Variants in CLU observed in about 807,000 individuals in gnomAD.
The protein encoded by CLU is aging-associated protein 4.
In CLU, 25 loss-of-function variants were observed where a neutral mutation model predicts 46.4. The observed-to-expected ratio is 0.54, with a 90% CI of 0.39 to 0.75. The LOEUF is 0.75. Among genes scored for constraint, CLU ranks in the 30% least tolerant of loss-of-function variants. The pLI is 0.00. For synonymous variants in CLU, 235 were observed against 235.1 expected (o/e 1.00, Z 0.00); for missense variants, 504 against 592.1 (o/e 0.85, Z 1.54).
In CLU at chr8:27,598,501, G is replaced by C; in HGVS notation, c.1299C>G (p.Thr433=). Residue 433 remains threonine, a synonymous_variant, in exon 8 of 9, where the codon ACC becomes ACG. Transcript: ENST00000316403. ...ATTCCTGCAGCGCTTTCTCCGCCAC[G>C]GTCTCCATAAATTTAGGGTTCTTCC... The part of the protein sequence containing the change: ...VSRKNPKFME[T]VAEKALQEYR... 1.2e-6 allele frequency: 2 copies of C among 1,614,052 alleles called. No individual in the cohort carries two copies. The highest frequency in any genetic ancestry group is 1.7e-6 in the Non-Finnish European group (2 of 1,180,010).
In CLU at chr8:27,610,533, C is replaced by T; in HGVS notation, c.39G>A (p.Leu13=). The T allele has an allele frequency of 6.2e-7, 1 of 1,614,240 alleles. No homozygotes were observed. The highest frequency in any genetic ancestry group is 1.1e-5 in the South Asian group (1 of 91,084). ...CCAGGACCTGCCCACTCTCCCAGGT[C>T]AGCAGCAGCCCCACAAACAGCAGCA... is the stretch of plus-strand genomic sequence containing the variant. ...KTLLLFVGLL[L]TWESGQVLGD... is the part of the protein sequence containing the mutation. Residue 13 remains leucine, a synonymous_variant, in exon 2 of 9, where the codon CTG becomes CTA. Transcript: ENST00000316403.
chr8:27,605,719 A>G (rs915645102), intron 4 of CLU, among the ~76,000 whole-genome samples: 5 of 152,234 alleles, frequency 3.3e-5, no homozygotes, highest in Non-Finnish European at 7.3e-5. Context: ...AGCAGAGGAC[A>G]GGAGCAACAC....
chr8:27,602,943 C>T (rs778538030), intron 6 of CLU, among the ~76,000 whole-genome samples: 3 of 151,704 alleles, frequency 2.0e-5, no homozygotes, highest in African/African-American at 7.3e-5. Flanking sequence ...TGCACACCTG[C>T]ACTCCCAGCT....
intron 2 of CLU, among the ~76,000 whole-genome samples, 194 bp downstream of exon 2, chr8:27,610,281 C>T (rs113362076): frequency 6.6e-6 from 1 of 152,286 alleles, no homozygotes; most frequent in African/African-American, 2.4e-5. Context: ...GTCTGATGCA[C>T]GCAGAGCCTG....
intron 3 of CLU, among the ~76,000 whole-genome samples, chr8:27,607,747 C>CAAA (rs35500730): frequency 4.8e-5 from 7 of 144,664 alleles, no homozygotes; most frequent in African/African-American, 1.5e-4. Flanking sequence ...TGTTAGTCTT[C>CAAA]AAAAAAAAAA....
intron 4 of CLU, 87 bp from the exon 5 acceptor site, chr8:27,605,422 G>C: frequency 7.0e-7 from 1 of 1,431,366 alleles, no homozygotes; most frequent in Non-Finnish European, 9.7e-7. Context: ...GCCAGGCCAG[G>C]CCCTGCCCAT....
chr8:27,598,398 T>C, intron 8 of CLU, 62 bp downstream of exon 8: 1 of 1,610,836 alleles, frequency 6.2e-7, no homozygotes, highest in Middle Eastern at 1.7e-4. Flanking sequence ...TTGTTTGTTT[T>C]TTTGTGGCTC....
intron 4 of CLU, among the ~76,000 whole-genome samples, chr8:27,606,039 C>CA (rs200681033): frequency 4.2e-3 from 562 of 133,458 alleles, no homozygotes; most frequent in African/African-American, 0.012. Context: ...GACCCTGTCT[C>CA]AAAAAAAAAA....
At chr8:27,611,957 C>T (rs2128910643) in intron 1 of CLU, 1 of 360,206 alleles carries the variant, frequency 2.8e-6, no homozygotes, top group East Asian at 7.3e-5. Flanking sequence ...CTGCCAGGGG[C>T]CCCTGAAAGC....
Position 27,602,207 on chromosome 8 carries a change from T to C in CLU, c.934+2084A>G, listed in dbSNP as rs549493501. On this transcript the variant is annotated intron_variant, in intron 6 of 8. Transcript: ENST00000316403. Reference sequence around the variant, plus strand: ...GAGATTTAGCAAGTTCTGAAGCTGGTTGTCACAACAAAGGGAAGGGAGCTG... The same window carrying C: ...GAGATTTAGCAAGTTCTGAAGCTGGCTGTCACAACAAAGGGAAGGGAGCTG... Among the ~76,000 whole-genome samples the C allele has an allele frequency of 1.6e-4, 25 of 152,224 alleles. No individual in the cohort carries two copies. The South Asian group carries it at 5.0e-3, about 30-fold the overall frequency.
intron 1 of CLU, chr8:27,610,939 C>T (rs1585256985): frequency 1.3e-5 from 5 of 373,080 alleles, no homozygotes; most frequent in Non-Finnish European, 1.0e-5. Context: ...TGCATCCTGG[C>T]CTCCTTGTCC....
intron 1 of CLU, chr8:27,613,523 C>A (rs751951856): frequency 6.6e-6 from 1 of 152,182 alleles, no homozygotes; most frequent in Non-Finnish European, 1.5e-5. Flanking sequence ...CGGCTCCTAT[C>A]TGCTTCTTCA....
intron 8 of CLU, 63 bp downstream of exon 8, chr8:27,598,397 T>C: frequency 6.2e-7 from 1 of 1,610,666 alleles, no homozygotes; most frequent in Non-Finnish European, 8.5e-7. Context: ...TTTGTTTGTT[T>C]TTTTGTGGCT....
At chr8:27,614,123 C>T (rs754599443) in intron 1 of CLU, 1 of 152,232 alleles carries the variant, frequency 6.6e-6, no homozygotes, top group African/African-American at 2.4e-5. Flanking sequence ...CAGAAAAAGT[C>T]GGATTTCGGT....
In CLU at chr8:27,603,755, G is replaced by A. The variant is rs534879904; in HGVS notation, c.934+536C>T. 5.3e-5 allele frequency among the ~76,000 whole-genome samples: 8 copies of A among 152,266 alleles called. 1 individual carries two copies. The highest frequency in any genetic ancestry group is 1.9e-4 in the East Asian group (1 of 5,178). ...GCGCCCTAGGATTGAAGCCCAGCTC[G>A]CCCATGTCGGGGTCAATCTTGGATA... On this transcript the variant is annotated intron_variant, in intron 6 of 8. Transcript: ENST00000316403.
rs553073973 is a variant in CLU, at chr8:27,604,853, C to A, written c.829+71G>T. ...TGGAGAAAAATCGAGATGACACCCG[C>A]TGAGCCCTCGGCATGGTTCTCAGCA... On this transcript the variant is annotated intron_variant, in intron 5 of 8. Coordinates refer to ENST00000316403, the MANE Select transcript of CLU (RefSeq NM_001831.4). 3.8e-5 allele frequency: 59 copies of A among 1,553,306 alleles called. 2 individuals are homozygous for A. The African/African-American group carries it at 7.2e-4, about 19-fold the overall frequency.
chr8:27,604,598 G>A (rs573012796), intron 5 of CLU, among the ~76,000 whole-genome samples: 6 of 152,098 alleles, frequency 3.9e-5, no homozygotes, highest in Admixed American at 6.5e-5. Context: ...TCAGCCTCCC[G>A]AGTAGCTGAG....
chr8:27,607,451 A>C (rs977985370), intron 3 of CLU, among the ~76,000 whole-genome samples: 1 of 152,170 alleles, frequency 6.6e-6, no homozygotes, highest in African/African-American at 2.4e-5. Flanking sequence ...TATGGCAAAA[A>C]AAAAAAAATC....
chr8:27,609,570 T>C lies in CLU; in HGVS notation c.98-484A>G, dbSNP rs561436375. 2.0e-4 allele frequency among the ~76,000 whole-genome samples: 31 copies of C among 152,264 alleles called. No homozygotes were observed. The South Asian group carries it at 6.4e-3, about 32-fold the overall frequency. On this transcript the variant is annotated intron_variant, in intron 2 of 8. Coordinates refer to ENST00000316403, the MANE Select transcript of CLU (RefSeq NM_001831.4). ...GTAAATGAGTAAGGTATAGCACTGGTGACAAATGCAGCGAAACACTGTGTC... is the reference window on the plus strand; with the variant it reads ...GTAAATGAGTAAGGTATAGCACTGGCGACAAATGCAGCGAAACACTGTGTC...
Sources: allele counts gnomAD v4.1 joint callset (sites outside exome capture counted in the v4.1 genomes callset), GRCh38; gene constraint gnomAD v4.1.1; transcripts MANE v1.5; gene names NCBI Gene and HGNC (gene_info 2026-07-23, HGNC 2026-07-21).